Variants in SMARCA4 observed in about 807,000 individuals in gnomAD.
SMARCA4 encodes the protein SWI/SNF related BAF chromatin remodeling complex subunit ATPase 4.
A neutral mutation model predicts 193.9 loss-of-function variants in SMARCA4; 31 were observed. That is an observed-to-expected ratio of 0.16 (90% CI 0.12 to 0.22). The LOEUF (loss-of-function observed/expected upper bound fraction) is 0.22, where lower values mean the gene tolerates loss of function less well. Among genes scored for constraint, SMARCA4 ranks in the 10% least tolerant of loss-of-function variants. The pLI is 1.00. For synonymous variants in SMARCA4, 942 were observed against 933.1 expected (o/e 1.01, Z -0.17); for missense variants, 1,148 against 2,296.0 (o/e 0.50, Z 10.22).
At chr19:11,000,573 C>T (rs1231446952) in intron 11 of SMARCA4, among the ~76,000 whole-genome samples, 1 of 151,466 alleles carries the variant, frequency 6.6e-6, no homozygotes, top group Non-Finnish European at 1.5e-5. Flanking sequence ...CTGAAGCCAT[C>T]TGGAGGACTC....
intron 16 of SMARCA4, chr19:11,015,959 C>T (rs1907912419): frequency 6.6e-6 from 1 of 151,926 alleles, no homozygotes; most frequent in East Asian, 1.9e-4. Flanking sequence ...TGCAGTGAGC[C>T]AATATCGTGC....
At chr19:10,993,811 A>G (rs1417972620) in intron 8 of SMARCA4, among the ~76,000 whole-genome samples, 1 of 151,050 alleles carries the variant, frequency 6.6e-6, no homozygotes. Context: ...ACGCCCGGCT[A>G]ATTTTTTGTA....
chr19:11,019,548 C>G lies in SMARCA4; in HGVS notation c.2506-43C>G. 1 of 1,402,786 alleles carries G rather than the reference C, an allele frequency of 7.1e-7. No homozygotes were observed. The highest frequency in any genetic ancestry group is 1.0e-6 in the Non-Finnish European group (1 of 1,003,676). 86.9% of individuals were successfully genotyped at this position (1,402,786 alleles called of 1,614,324 possible). On this transcript the variant is annotated intron_variant, in intron 17 of 34. Transcript: ENST00000344626. This position sits in a 1 kb window ranked among gnomAD's most constrained non-coding sequence, Gnocchi z 6.1. ...CTGTGCCCCTCTTGCCACCTGGCCA[C>G]CCGGCTCCAAAAGCCGAGCTGTGCA...
chr19:10,974,007 G>A (rs1038219804), intron 1 of SMARCA4, among the ~76,000 whole-genome samples: 14 of 152,140 alleles, frequency 9.2e-5, no homozygotes, highest in Non-Finnish European at 7.4e-5. Context: ...TGACTCCCAC[G>A]TTGGTCTGCT....
In SMARCA4 at chr19:11,041,088, G is replaced by T; in HGVS notation, c.4171-219G>T. On this transcript the variant is annotated intron_variant, in intron 29 of 34. Coordinates refer to ENST00000344626, the MANE Select transcript of SMARCA4 (RefSeq NM_003072.5). The surrounding 1 kb of genome is among the most constrained non-coding windows in gnomAD (Gnocchi z 5.6). ...CCATTAGTTTTTTAAAGACAAGCTT[G>T]GGTGGGGTGCCTGCTGGGGGCAGTG... is the stretch of plus-strand genomic sequence containing the variant. 1.8e-6 allele frequency: 1 copy of T among 558,348 alleles called. No individual in the cohort carries two copies. Among genetic ancestry groups the T allele is most frequent in the Admixed American group, 3.3e-5 (1 of 30,222 alleles). The allele number at this position is 558,348 out of a possible 1,614,324, so 34.6% of individuals were successfully genotyped here. A position where few individuals can be genotyped will look rare whatever the true frequency, so the allele number is the denominator to read the frequency against.
chr19:10,984,490 C>T lies in SMARCA4; in HGVS notation c.222+117C>T, dbSNP rs949174041. 4 of 1,527,824 alleles carry T rather than the reference C, an allele frequency of 2.6e-6. No homozygotes were observed. The highest frequency in any genetic ancestry group is 3.5e-6 in the Non-Finnish European group (4 of 1,130,714). The allele number at this position is 1,527,824 out of a possible 1,614,324, so 94.6% of individuals were successfully genotyped here. A position where few individuals can be genotyped will look rare whatever the true frequency, so the allele number is the denominator to read the frequency against. On this transcript the variant is annotated intron_variant, in intron 2 of 34. Coordinates refer to ENST00000344626, the MANE Select transcript of SMARCA4 (RefSeq NM_003072.5). This position sits in a 1 kb window ranked among gnomAD's most constrained non-coding sequence, Gnocchi z 4.3. ...GGGGAAGCCTTCTTGTTGGAGGTGT[C>T]CTGCCTTGGCTCAGCCCCCTACCCC...
intron 1 of SMARCA4, among the ~76,000 whole-genome samples, 163 bp from the exon 2 acceptor site, chr19:10,983,958 C>A (rs1036523849): frequency 2.0e-5 from 3 of 152,104 alleles, no homozygotes; most frequent in African/African-American, 7.2e-5. Flanking sequence ...TGTAGGACTT[C>A]CTCTGAGAGT....
intron 16 of SMARCA4, among the ~76,000 whole-genome samples, chr19:11,018,123 G>A (rs1473354803): frequency 6.6e-6 from 1 of 152,190 alleles, no homozygotes; most frequent in Admixed American, 6.5e-5. Flanking sequence ...CTCCCTCGTG[G>A]AGCTGCTTGG....
chr19:11,045,726 C>T (rs2075866046), intron 30 of SMARCA4, among the ~76,000 whole-genome samples: 1 of 151,902 alleles, frequency 6.6e-6, no homozygotes, highest in South Asian at 2.1e-4. Flanking sequence ...GAGGGAATGG[C>T]TCACCCAGCT....
intron 24 of SMARCA4, among the ~76,000 whole-genome samples, 179 bp downstream of exon 24, chr19:11,028,129 G>A (rs529479313): frequency 6.6e-6 from 1 of 152,220 alleles, no homozygotes; most frequent in African/African-American, 2.4e-5. Context: ...GGGACAGGCC[G>A]TGGATTGGAC....
chr19:10,987,434 C>T lies in SMARCA4; in HGVS notation c.860-232C>T, dbSNP rs1439405993. 6.6e-6 allele frequency among the ~76,000 whole-genome samples: 1 copy of T among 152,164 alleles called. No individual in the cohort carries two copies. Among genetic ancestry groups the T allele is most frequent in the African/African-American group, 2.4e-5 (1 of 41,436 alleles). ...AGAGCCACAGACAGAACAAAAAGGC[C>T]TTGGGAGCCTGGGGCTGGCCCCAGT... On this transcript the variant is annotated intron_variant, in intron 5 of 34. Coordinates refer to ENST00000344626, the MANE Select transcript of SMARCA4 (RefSeq NM_003072.5). This position sits in a 1 kb window ranked among gnomAD's most constrained non-coding sequence, Gnocchi z 5.3.
At chr19:11,055,599 G>A (rs947669969) in intron 30 of SMARCA4, among the ~76,000 whole-genome samples, 3 of 152,262 alleles carry the variant, frequency 2.0e-5, no homozygotes, top group African/African-American at 7.2e-5. Flanking sequence ...CAGCCCTGGG[G>A]TCTCACTTCC....
chr19:10,997,110 C>G (rs556604650), intron 11 of SMARCA4, among the ~76,000 whole-genome samples: 1 of 152,082 alleles, frequency 6.6e-6, no homozygotes. Flanking sequence ...GCCTCCGCCC[C>G]GCGAGTTCAA....
In SMARCA4 at chr19:10,984,004, A is replaced by G; in HGVS notation, c.-31-117A>G. 1.3e-6 allele frequency: 1 copy of G among 746,780 alleles called. No homozygotes were observed. The allele number at this position is 746,780 out of a possible 1,614,324, so 46.3% of individuals were successfully genotyped here. ...AAACGGTTTGGGTGGCTGGTGGGGA[A>G]GGTACTGGCTTCCTGTGGGATGTAG... On this transcript the variant is annotated intron_variant, in intron 1 of 34. Coordinates refer to ENST00000344626, the MANE Select transcript of SMARCA4 (RefSeq NM_003072.5). The surrounding 1 kb of genome is among the most constrained non-coding windows in gnomAD (Gnocchi z 4.3).
Position 11,019,746 on chromosome 19 carries a change from C to T in SMARCA4, c.2616+45C>T, listed in dbSNP as rs1356504953. On this transcript the variant is annotated intron_variant, in intron 18 of 34. Coordinates refer to ENST00000344626, the MANE Select transcript of SMARCA4 (RefSeq NM_003072.5). The surrounding 1 kb of genome is among the most constrained non-coding windows in gnomAD (Gnocchi z 6.1). Reference sequence around the variant, plus strand: ...AATGCCAGGCCATGGGCCGAGTGCTCACACGTGGGTCACGCTGCCCGTCTC... The same window carrying T: ...AATGCCAGGCCATGGGCCGAGTGCTTACACGTGGGTCACGCTGCCCGTCTC... 2.9e-6 allele frequency: 4 copies of T among 1,360,814 alleles called. No individual in the cohort carries two copies. Among genetic ancestry groups the T allele is most frequent in the Non-Finnish European group, 4.2e-6 (4 of 954,836 alleles). 84.3% of individuals were successfully genotyped at this position (1,360,814 alleles called of 1,614,324 possible).
chr19:10,968,965 C>T (rs2084457925), intron 1 of SMARCA4, among the ~76,000 whole-genome samples: 1 of 152,202 alleles, frequency 6.6e-6, no homozygotes. Context: ...TGGCTCTTTA[C>T]TTGCCCTTCC....
intron 23 of SMARCA4, 86 bp from the exon 24 acceptor site, chr19:11,027,698 C>T (rs1000593085): frequency 1.8e-5 from 26 of 1,461,064 alleles, no homozygotes; most frequent in Admixed American, 3.4e-5. Context: ...GGCCTGGAGG[C>T]GGGCGATGCA....
chr19:11,048,412 T>C (rs1052487835), intron 30 of SMARCA4, among the ~76,000 whole-genome samples: 1 of 152,142 alleles, frequency 6.6e-6, no homozygotes, highest in African/African-American at 2.4e-5. Context: ...AATTTTTGTT[T>C]TTTAGTTGGC....
In SMARCA4 at chr19:11,034,537, G is replaced by A. The variant is rs552826634; in HGVS notation, c.3951+337G>A. 2.4e-4 allele frequency among the ~76,000 whole-genome samples: 37 copies of A among 152,324 alleles called. No individual in the cohort carries two copies. The highest frequency in any genetic ancestry group is 8.4e-4 in the African/African-American group (35 of 41,592). ...GGCCAAGGGACTGACCAGGCCTTCA[G>A]TCGCAGAGCCCCCTTGCCCCTGGGT... On this transcript the variant is annotated intron_variant, in intron 28 of 34. Coordinates refer to ENST00000344626, the MANE Select transcript of SMARCA4 (RefSeq NM_003072.5). The surrounding 1 kb of genome is among the most constrained non-coding windows in gnomAD (Gnocchi z 7.0).
Sources: allele counts gnomAD v4.1 joint callset (sites outside exome capture counted in the v4.1 genomes callset), GRCh38; gene constraint gnomAD v4.1.1; non-coding constraint Gnocchi (gnomAD v3.1); transcripts MANE v1.5; gene names NCBI Gene and HGNC (gene_info 2026-07-23, HGNC 2026-07-21).